The following ROBO1 variants were observed in gnomAD, a reference collection of about 807,000 sequenced individuals.
The protein encoded by ROBO1 is roundabout guidance receptor 1, also known as roundabout homolog 1.
ROBO1 carries 149 observed loss-of-function variants against 195.9 expected under a neutral mutation model. That is an observed-to-expected ratio of 0.76 (90% CI 0.67 to 0.87). The LOEUF (loss-of-function observed/expected upper bound fraction) is 0.87. Among genes scored for constraint, ROBO1 ranks in the 40% least tolerant of loss-of-function variants. The pLI is 0.00. For synonymous variants in ROBO1, 816 were observed against 733.2 expected, an observed-to-expected ratio of 1.11 and a Z score of -1.82; for missense variants, 1,933 against 2,068.3, an observed-to-expected ratio of 0.93 and a Z score of 1.27.
intron 21 of ROBO1, among the ~76,000 whole-genome samples, chr3:78,640,693 C>T (rs1422402639): frequency 1.3e-5 from 2 of 152,138 alleles, no homozygotes; most frequent in East Asian, 3.9e-4. Flanking sequence ...ACCAACAGAG[C>T]CAGGGACTCA....
intron 1 of ROBO1, among the ~76,000 whole-genome samples, chr3:79,683,434 A>T (rs1477433123): frequency 2.6e-5 from 4 of 152,140 alleles, no homozygotes; most frequent in Non-Finnish European, 4.4e-5. Context: ...GTGAATCAGA[A>T]GATTATTTCA....
intron 2 of ROBO1, among the ~76,000 whole-genome samples, chr3:79,296,010 G>T (rs550785435): frequency 6.6e-6 from 1 of 152,072 alleles, no homozygotes; most frequent in Non-Finnish European, 1.5e-5. Flanking sequence ...AGAAATAAAA[G>T]TTGAAGGAGA....
intron 3 of ROBO1, among the ~76,000 whole-genome samples, chr3:79,027,371 A>G (rs941440205): frequency 2.0e-5 from 3 of 152,052 alleles, no homozygotes; most frequent in Non-Finnish European, 2.9e-5. Context: ...TTGTCATATC[A>G]CATATTATTT....
At chr3:79,010,514 A>G (rs1468007834) in intron 3 of ROBO1, among the ~76,000 whole-genome samples, 2 of 152,100 alleles carry the variant, frequency 1.3e-5, no homozygotes, top group Non-Finnish European at 2.9e-5. Flanking sequence ...ATTATTAGAG[A>G]TATTATTGAT....
intron 2 of ROBO1, among the ~76,000 whole-genome samples, chr3:79,482,916 T>C (rs544977703): frequency 1.3e-5 from 2 of 152,276 alleles, no homozygotes; most frequent in Admixed American, 1.3e-4. Context: ...TCTATAATAA[T>C]TGTTCTAGCT....
At position 78,724,697 on chromosome 3, in the gene ROBO1, A is replaced by G. The variant is rs139234623; in HGVS notation, c.658-6814T>C. On this transcript the variant is annotated intron_variant, in intron 5 of 30. Coordinates refer to ENST00000464233, the MANE Select transcript of ROBO1 (RefSeq NM_002941.4). ...ACTCTGTCACACACACAAAAAAAGC[A>G]AAAAGAAATCAACATCTTATGTTGA... Among the ~76,000 whole-genome samples the G allele has an allele frequency of 5.6e-3, 855 of 152,122 alleles. 4 individuals carry two copies. The highest frequency in any genetic ancestry group is 0.02 in the Middle Eastern group (6 of 294).
intron 2 of ROBO1, among the ~76,000 whole-genome samples, chr3:79,376,722 T>A (rs1404919275): frequency 6.6e-6 from 1 of 152,174 alleles, no homozygotes; most frequent in East Asian, 1.9e-4. Flanking sequence ...CTTTCCTTTA[T>A]AAGTTACACA....
At chr3:79,272,584 CAG>C (rs947834710) in intron 2 of ROBO1, among the ~76,000 whole-genome samples, 1 of 152,010 alleles carries the variant, frequency 6.6e-6, no homozygotes, top group Non-Finnish European at 1.5e-5. Context: ...GGGCATGGCA[CAG>C]AGAGAGAATT....
intron 1 of ROBO1, among the ~76,000 whole-genome samples, chr3:79,757,506 TCTCC>T (rs1430192258): frequency 2.0e-5 from 3 of 150,784 alleles, no homozygotes; most frequent in Non-Finnish European, 1.5e-5. Context: ...TCTCTCTCTC[TCTCC>T]ATATATATAT....
chr3:79,762,654 T>C (rs941430032), intron 1 of ROBO1, among the ~76,000 whole-genome samples: 8 of 122,344 alleles, frequency 6.5e-5, no homozygotes, highest in Non-Finnish European at 1.1e-4. Flanking sequence ...GAATGAAACA[T>C]CCTGAGTGTT....
chr3:79,168,987 G>A (rs2081120693), intron 2 of ROBO1, among the ~76,000 whole-genome samples: 1 of 152,050 alleles, frequency 6.6e-6, no homozygotes, highest in Non-Finnish European at 1.5e-5. Flanking sequence ...AAGATAAAGG[G>A]GAAAGAGAAT....
intron 4 of ROBO1, among the ~76,000 whole-genome samples, chr3:78,875,217 G>A (rs1043698854): frequency 5.9e-5 from 9 of 151,954 alleles, no homozygotes; most frequent in Admixed American, 1.3e-4. Context: ...CTTATGAAGT[G>A]ATTCATTTTT....
At chr3:79,127,131 G>A (rs2080230614) in intron 2 of ROBO1, among the ~76,000 whole-genome samples, 1 of 152,128 alleles carries the variant, frequency 6.6e-6, no homozygotes, top group East Asian at 1.9e-4. Context: ...GATGCTGCAA[G>A]TGATAAGGCA....
chr3:79,536,485 A>G (rs1018959835), intron 2 of ROBO1, among the ~76,000 whole-genome samples: 16 of 152,146 alleles, frequency 1.1e-4, no homozygotes, highest in African/African-American at 3.9e-4. Context: ...AGCTTGTAAC[A>G]TTTCATTTAA....
At chr3:78,736,890 C>A (rs1020295765) in intron 5 of ROBO1, among the ~76,000 whole-genome samples, 1 of 152,052 alleles carries the variant, frequency 6.6e-6, no homozygotes, top group Non-Finnish European at 1.5e-5. Context: ...CAGGATGTTC[C>A]TTGAGAAGAG....
chr3:78,771,380 T>C (rs938299119), intron 4 of ROBO1, among the ~76,000 whole-genome samples: 4 of 152,194 alleles, frequency 2.6e-5, no homozygotes, highest in African/African-American at 9.7e-5. Context: ...GAATTCAGGC[T>C]AATTTTTGGT....
intron 4 of ROBO1, among the ~76,000 whole-genome samples, chr3:78,900,519 A>G (rs2037519664): frequency 6.6e-6 from 1 of 152,218 alleles, no homozygotes; most frequent in South Asian, 2.1e-4. Context: ...AAATTTACAA[A>G]AAATATTTAT....
At chr3:79,540,689 C>T (rs1422397583) in intron 2 of ROBO1, among the ~76,000 whole-genome samples, 1 of 152,098 alleles carries the variant, frequency 6.6e-6, no homozygotes, top group East Asian at 1.9e-4. Flanking sequence ...CTTTTATCTG[C>T]TTTGAGAAAT....
At chr3:79,459,447 T>C (rs906742128) in intron 2 of ROBO1, among the ~76,000 whole-genome samples, 7 of 152,116 alleles carry the variant, frequency 4.6e-5, no homozygotes, top group African/African-American at 1.4e-4. Context: ...AGAATTAGTT[T>C]TGATAAGGAC....
Sources: gnomAD v4.1 joint callset for allele counts (sites outside exome capture counted in the v4.1 genomes callset) on GRCh38, gnomAD v4.1.1 for gene constraint, MANE v1.5 for transcripts, NCBI Gene and HGNC (gene_info 2026-07-23, HGNC 2026-07-21) for gene names.